Variants in CACTIN observed in about 807,000 individuals in gnomAD.
The protein encoded by CACTIN is splicing factor Cactin.
A neutral mutation model predicts 84.9 loss-of-function variants in CACTIN; 20 were observed. The observed-to-expected ratio is 0.24, with a 90% confidence interval of 0.17 to 0.34. The LOEUF is 0.34. Ranked by LOEUF, CACTIN falls within the 10% of genes least tolerant of loss-of-function variation. The pLI, the probability that CACTIN is intolerant of heterozygous loss-of-function variation, is 1.00. For synonymous variants in CACTIN, 549 were observed against 467.9 expected (o/e 1.17, Z -2.24); for missense variants, 897 against 1,117.2 (o/e 0.80, Z 2.81).
rs753811318 is a variant in CACTIN at position 3,619,178 on chromosome 19, C to T, written c.949G>A (p.Ala317Thr). 18 of 1,613,126 alleles carry T rather than the reference C, an allele frequency of 1.1e-5. No individual in the cohort carries two copies. The highest frequency in any genetic ancestry group is 5.0e-5 in the Admixed American group (3 of 59,912). ...TCCACGGCCAGATCGTCATCCTCAG[C>T]GCTGATGTACTTGGCCAGCAGGTCG... ...PIDLLAKYIS[A>T]EDDDLAVEMH... Residue 317 changes from alanine (A) to threonine (T), a missense_variant, in exon 5 of 10, where the codon GCT becomes ACT. By Grantham distance (58) the Ala-to-Thr change is moderately conservative (BLOSUM62 0). Transcript: ENST00000429344.
Position 3,611,251 on chromosome 19 carries a change from A to G in CACTIN, c.*672T>C. On this transcript the variant is annotated 3_prime_UTR_variant, in exon 10 of 10. Coordinates refer to ENST00000429344, the MANE Select transcript of CACTIN (RefSeq NM_001080543.2). ...TACCCGCTGCGGGGAAATGGACCCCACCAGCCAGCACGGGGTGAGTTGGGG... is the reference window on the plus strand; with the variant it reads ...TACCCGCTGCGGGGAAATGGACCCCGCCAGCCAGCACGGGGTGAGTTGGGG... 1 of 448,144 alleles carries G rather than the reference A, an allele frequency of 2.2e-6. No homozygotes were observed. The highest frequency in any genetic ancestry group is 4.5e-6 in the Non-Finnish European group (1 of 223,468). 27.8% of individuals were successfully genotyped at this position (448,144 alleles called of 1,614,324 possible). A position where few individuals can be genotyped will look rare whatever the true frequency, so the allele number is the denominator to read the frequency against.
rs749334766 is a variant in CACTIN at position 3,615,251 on chromosome 19, C to T, written c.1163-662G>A. 14 of 156,864 alleles carry T rather than the reference C, an allele frequency of 8.9e-5. No individual in the cohort carries two copies. Among genetic ancestry groups the T allele is most frequent in the Non-Finnish European group, 1.3e-4 (9 of 70,882 alleles). 9.7% of individuals were successfully genotyped at this position (156,864 alleles called of 1,614,324 possible). A position where few individuals can be genotyped will look rare whatever the true frequency, so the allele number is the denominator to read the frequency against. On this transcript the variant is annotated intron_variant, in intron 6 of 9. Coordinates refer to ENST00000429344, the MANE Select transcript of CACTIN (RefSeq NM_001080543.2). This position sits in a 1 kb window ranked among gnomAD's most constrained non-coding sequence, Gnocchi z 5.2. ...GGGGCCCGAGGCTCAAGTCCCTCCTCGATAGACGGGGAGGCTGCTGAGGGC... is the reference window on the plus strand; with the variant it reads ...GGGGCCCGAGGCTCAAGTCCCTCCTTGATAGACGGGGAGGCTGCTGAGGGC...
chr19:3,613,037 G>A (rs1445211365), intron 9 of CACTIN, 21 bp downstream of exon 9: 2 of 1,479,322 alleles, frequency 1.4e-6, no homozygotes, highest in Admixed American at 2.1e-5. Flanking sequence ...CCCACCCCCT[G>A]GCCTCCAGCC....
At chr19:3,618,125 G>T (rs1490072548) in intron 6 of CACTIN, among the ~76,000 whole-genome samples, 1 of 151,894 alleles carries the variant, frequency 6.6e-6, no homozygotes, top group Non-Finnish European at 1.5e-5. Flanking sequence ...CAGCCGCTGG[G>T]GCGTGGATTT....
chr19:3,618,765 G>A (rs2033160303), intron 6 of CACTIN, 110 bp downstream of exon 6: 4 of 888,078 alleles, frequency 4.5e-6, no homozygotes, highest in Middle Eastern at 3.5e-4. Flanking sequence ...CCCAGTTGGG[G>A]AAACCGAGGC....
chr19:3,620,007 G>T, intron 4 of CACTIN, 120 bp downstream of exon 4: 1 of 1,208,152 alleles, frequency 8.3e-7, no homozygotes, highest in Non-Finnish European at 1.2e-6. Flanking sequence ...GGAAGGGAAG[G>T]TCCCAGGAAG....
At chr19:3,619,639 C>T (rs1467422122) in intron 4 of CACTIN, among the ~76,000 whole-genome samples, 1 of 152,156 alleles carries the variant, frequency 6.6e-6, no homozygotes, top group Non-Finnish European at 1.5e-5. Context: ...CCCAGGCAGA[C>T]CACTCGGGGC....
rs2032980526 is a variant in CACTIN, at chr19:3,612,366, C to T, written c.1834G>A (p.Glu612Lys). 6.2e-7 allele frequency: 1 copy of T among 1,606,952 alleles called. No homozygotes were observed. Among genetic ancestry groups the T allele is most frequent in the Admixed American group, 1.7e-5 (1 of 59,914 alleles). ...AEDIFFRRAK[E>K]GMGQDEAQFS... The stretch of plus-strand genomic sequence containing the variant: ...TGCGCCTCGTCCTGGCCCATGCCCT[C>T]CTTGGCCCGCCGGAAGAAGATGTCC... The change falls in exon 10 of 10, where the codon GAG becomes AAG. Residue 612 changes from glutamate to lysine, a missense_variant. This residue lies in a region of CACTIN where 243 missense variants were observed against 239.9 expected (regional missense o/e 1.01). Transcript: ENST00000429344.
intron 6 of CACTIN, chr19:3,614,958 C>T: frequency 2.7e-6 from 1 of 367,558 alleles, no homozygotes; most frequent in South Asian, 2.4e-5. Context: ...CCCAACTCTG[C>T]CCTGGCCTTG....
rs892278115 is a variant in CACTIN, at chr19:3,611,027, C to A, written c.*896G>T. 4.5e-6 allele frequency: 2 copies of A among 444,958 alleles called. No individual in the cohort carries two copies. Among genetic ancestry groups the A allele is most frequent in the African/African-American group, 2.0e-5 (1 of 49,830 alleles). The allele number at this position is 444,958 out of a possible 1,614,324, so 27.6% of individuals were successfully genotyped here. A position where few individuals can be genotyped will look rare whatever the true frequency, so the allele number is the denominator to read the frequency against. ...TCCTGATATGGGCAAAACTCGGGGT[C>A]ACTGGTCTCATGCTCCAAGGCCCCG... On this transcript the variant is annotated 3_prime_UTR_variant, in exon 10 of 10. Coordinates refer to ENST00000429344, the MANE Select transcript of CACTIN (RefSeq NM_001080543.2).
chr19:3,620,810 C>T lies in CACTIN; in HGVS notation c.643-8G>A, dbSNP rs1304428942. 3 of 1,606,954 alleles carry T rather than the reference C, an allele frequency of 1.9e-6. No homozygotes were observed. Among genetic ancestry groups the T allele is most frequent in the Non-Finnish European group, 2.6e-6 (3 of 1,174,808 alleles). On this transcript the variant is annotated splice_polypyrimidine_tract_variant and splice_region_variant and intron_variant, in intron 2 of 9. Coordinates refer to ENST00000429344, the MANE Select transcript of CACTIN (RefSeq NM_001080543.2). ...CCCCTTCTTCTCCAGGGCCTGGAAG[C>T]ACCAGGCACACCTGCCCTGAGCACA...
At chr19:3,625,467 C>T (rs1420996253) in intron 1 of CACTIN, among the ~76,000 whole-genome samples, 1 of 152,280 alleles carries the variant, frequency 6.6e-6, no homozygotes, top group South Asian at 2.1e-4. Flanking sequence ...CGGTGGCTCA[C>T]GCCTGTAATC....
chr19:3,622,296 G>A (rs768551351), intron 2 of CACTIN, among the ~76,000 whole-genome samples: 3 of 150,756 alleles, frequency 2.0e-5, no homozygotes, highest in African/African-American at 4.9e-5. Context: ...CCCAGGAAGC[G>A]GAGGTTGCAG....
At chr19:3,612,971 G>A (rs796141078) in intron 9 of CACTIN, 87 bp downstream of exon 9, 5 of 1,461,334 alleles carry the variant, frequency 3.4e-6, no homozygotes, top group East Asian at 2.5e-5. Flanking sequence ...TGACGCCAGC[G>A]GCTTCGGCCG....
chr19:3,613,832 G>A (rs1321865719), intron 7 of CACTIN: 12 of 556,078 alleles, frequency 2.2e-5, no homozygotes, highest in African/African-American at 7.6e-5. Context: ...TCTGTCTCAC[G>A]CTGCAGTCTC....
Position 3,623,952 on chromosome 19 carries a change from G to C in CACTIN, c.378C>G (p.Ser126Arg), listed in dbSNP as rs773071711. ...SSSASPGRSQ[S>R]PRAAAAALSQ... is the part of the protein sequence containing the mutation. Reference sequence around the variant, plus strand: ...TCAGGGCAGCCGCGGCCGCCCGGGGGCTCTGGGATCGCCCTGGAGACGCGG... The same window carrying C: ...TCAGGGCAGCCGCGGCCGCCCGGGGCCTCTGGGATCGCCCTGGAGACGCGG... The change falls in exon 2 of 10, where the codon AGC (serine) becomes AGG (arginine). Residue 126 changes from serine to arginine, a missense_variant. This residue lies in a region of CACTIN where 261 missense variants were observed against 243.8 expected (regional missense o/e 1.07). Transcript: ENST00000429344. 9 of 1,603,200 alleles carry C rather than the reference G, an allele frequency of 5.6e-6. No homozygotes were observed. The South Asian group carries it at 6.6e-5, about 12-fold the overall frequency.
At position 3,613,228 on chromosome 19, in the gene CACTIN, G is replaced by GCCTCGCCCTCGC. The variant is rs377027152; in HGVS notation, c.1604_1615dup (p.Gly535_Glu538dup). 1.2e-5 allele frequency: 19 copies of GCCTCGCCCTCGC among 1,611,100 alleles called. No homozygotes were observed. Among genetic ancestry groups the GCCTCGCCCTCGC allele is most frequent in the Non-Finnish European group, 1.5e-5 (18 of 1,179,216 alleles). On this transcript the variant is annotated inframe_insertion, in exon 9 of 10. Transcript: ENST00000429344. The stretch of plus-strand genomic sequence containing the variant: ...GATCAGGTCCTCCTCCATGAGCACC[G>GCCTCGCCCTCGC]CCTCGCCCTCGCCCTCGCCCTCACC...
chr19:3,619,873 T>G (rs1186070033), intron 4 of CACTIN, among the ~76,000 whole-genome samples: 2 of 152,098 alleles, frequency 1.3e-5, no homozygotes, highest in Non-Finnish European at 2.9e-5. Context: ...GAGGGACAAC[T>G]GCAGTCAGTG....
At position 3,615,658 on chromosome 19, in the gene CACTIN, G is replaced by A. The variant is rs2033088720; in HGVS notation, c.1163-1069C>T. On this transcript the variant is annotated intron_variant, in intron 6 of 9. Transcript: ENST00000429344. The surrounding 1 kb of genome is among the most constrained non-coding windows in gnomAD (Gnocchi z 5.2). ...CTGTGCCATGCTGGGCCCACAGGGA[G>A]CTTGGTGCATAGCTGCTGGTGACAC... 1 of 152,288 alleles carries A rather than the reference G, an allele frequency of 6.6e-6. No homozygotes were observed. Among genetic ancestry groups the A allele is most frequent in the South Asian group, 2.1e-4 (1 of 4,838 alleles). 9.4% of individuals were successfully genotyped at this position (152,288 alleles called of 1,614,324 possible).
Sources: allele counts gnomAD v4.1 joint callset (sites outside exome capture counted in the v4.1 genomes callset), GRCh38; gene constraint gnomAD v4.1.1; regional missense constraint gnomAD v4.1.1; non-coding constraint Gnocchi (gnomAD v3.1); transcripts MANE v1.5; gene names NCBI Gene and HGNC (gene_info 2026-07-23, HGNC 2026-07-21).